The following ROBO2 variants were observed in gnomAD, a reference collection of about 807,000 sequenced individuals.
The protein encoded by ROBO2 is roundabout homolog 2.
In ROBO2, 53 loss-of-function variants were observed where a neutral mutation model predicts 160.8. The ratio of observed to expected loss-of-function variants is 0.33; its 90% CI spans 0.26 to 0.41. The LOEUF (loss-of-function observed/expected upper bound fraction) is 0.41. Among genes scored for constraint, ROBO2 ranks in the 10% least tolerant of loss-of-function variants. The pLI, the probability that ROBO2 is intolerant of heterozygous loss-of-function variation, is 1.00. For missense variants in ROBO2, 1,577 were observed against 1,722.4 expected (o/e 0.92, Z 1.49); for synonymous variants, 664 against 611.7 (o/e 1.09, Z -1.26).
intron 2 of ROBO2, among the ~76,000 whole-genome samples, chr3:76,916,401 G>A (rs142446145): frequency 6.6e-6 from 1 of 152,150 alleles, no homozygotes; most frequent in East Asian, 1.9e-4. Flanking sequence ...GGGTGTAGTG[G>A]TGCAATCTCA....
chr3:76,503,476 G>A (rs1030038486), intron 2 of ROBO2, among the ~76,000 whole-genome samples: 2 of 151,884 alleles, frequency 1.3e-5, no homozygotes, highest in Non-Finnish European at 2.9e-5. Context: ...AAAAAGTATC[G>A]GTATACTGAA....
At chr3:75,955,937 A>C (rs1948709618) in intron 2 of ROBO2, among the ~76,000 whole-genome samples, 1 of 151,806 alleles carries the variant, frequency 6.6e-6, no homozygotes, top group Admixed American at 6.6e-5. Flanking sequence ...TGTATTACAA[A>C]AAGTTAATGC....
intron 2 of ROBO2, among the ~76,000 whole-genome samples, chr3:76,507,361 C>G (rs372043232): frequency 6.6e-6 from 1 of 151,964 alleles, no homozygotes; most frequent in Non-Finnish European, 1.5e-5. Context: ...ATATAACCCT[C>G]ACTTCTTTAT....
intron 2 of ROBO2, among the ~76,000 whole-genome samples, chr3:76,244,049 G>A (rs1415955323): frequency 6.6e-6 from 1 of 152,104 alleles, no homozygotes; most frequent in African/African-American, 2.4e-5. Flanking sequence ...ACTGTGCCAG[G>A]CACTCTTGTA....
Position 77,573,916 on chromosome 3 carries a change from G to C in ROBO2, c.1972-583G>C, listed in dbSNP as rs1438129085. ...TTAGACCACTCCTACCTTCTACCTG[G>C]ACTCCATCTTCTCACCTCAGCTCAT... On this transcript the variant is annotated intron_variant, in intron 13 of 25. Coordinates refer to ENST00000461745, the Ensembl canonical transcript of ROBO2. Among the ~76,000 whole-genome samples, 3 of 151,734 alleles carry C rather than the reference G, an allele frequency of 2.0e-5. No homozygotes were observed. The East Asian group carries it at 5.9e-4, about 30-fold the overall frequency.
At chr3:76,637,099 G>A (rs2090384601) in intron 2 of ROBO2, among the ~76,000 whole-genome samples, 1 of 152,072 alleles carries the variant, frequency 6.6e-6, no homozygotes, top group Non-Finnish European at 1.5e-5. Flanking sequence ...GGTGTACATG[G>A]TTATTTTAAC....
chr3:77,004,418 G>A (rs1232825824), intron 2 of ROBO2, among the ~76,000 whole-genome samples: 2 of 152,162 alleles, frequency 1.3e-5, no homozygotes, highest in African/African-American at 4.8e-5. Context: ...GTTCAGGATT[G>A]GAAGTAGAAG....
At chr3:76,439,845 G>C (rs1185289882) in intron 2 of ROBO2, among the ~76,000 whole-genome samples, 3 of 152,140 alleles carry the variant, frequency 2.0e-5, no homozygotes, top group Non-Finnish European at 4.4e-5. Context: ...GACTTGAGGG[G>C]ATGTAGTCTT....
At chr3:76,942,853 A>G (rs2078281198) in intron 2 of ROBO2, among the ~76,000 whole-genome samples, 1 of 150,964 alleles carries the variant, frequency 6.6e-6, no homozygotes, top group Non-Finnish European at 1.5e-5. Context: ...TAATTTTCCA[A>G]CTCCTAACTG....
intron 2 of ROBO2, among the ~76,000 whole-genome samples, chr3:76,820,121 G>A (rs543526729): frequency 1.8e-4 from 28 of 152,048 alleles, no homozygotes; most frequent in Admixed American, 1.8e-3. Flanking sequence ...CCTGTTAATC[G>A]ATTTGTTTCA....
At chr3:76,293,882 G>T (rs768109054) in intron 2 of ROBO2, among the ~76,000 whole-genome samples, 4 of 152,164 alleles carry the variant, frequency 2.6e-5, no homozygotes, top group Non-Finnish European at 5.9e-5. Flanking sequence ...CCATTTAGAA[G>T]AAAAGGCCTC....
intron 2 of ROBO2, among the ~76,000 whole-genome samples, chr3:76,730,070 T>C (rs1356048075): frequency 6.6e-6 from 1 of 152,120 alleles, no homozygotes; most frequent in African/African-American, 2.4e-5. Context: ...CTTCACCATC[T>C]ATTAGTATTA....
intron 2 of ROBO2, among the ~76,000 whole-genome samples, chr3:76,263,349 C>T (rs914428705): frequency 2.0e-5 from 3 of 152,046 alleles, no homozygotes; most frequent in South Asian, 2.1e-4. Flanking sequence ...ACCTTTGCCT[C>T]GCAAATAGCT....
intron 2 of ROBO2, among the ~76,000 whole-genome samples, chr3:75,938,794 G>A (rs974497418): frequency 6.6e-6 from 1 of 152,098 alleles, no homozygotes; most frequent in African/African-American, 2.4e-5. Flanking sequence ...ATACATGTAA[G>A]CAGATAATAC....
At chr3:75,945,351 G>A (rs1948239972) in intron 2 of ROBO2, among the ~76,000 whole-genome samples, 1 of 152,116 alleles carries the variant, frequency 6.6e-6, no homozygotes, top group Non-Finnish European at 1.5e-5. Context: ...AAGGTAGTGA[G>A]AACTGCTGAG....
At chr3:76,795,194 C>T (rs2063609963) in intron 2 of ROBO2, among the ~76,000 whole-genome samples, 1 of 152,002 alleles carries the variant, frequency 6.6e-6, no homozygotes, top group South Asian at 2.1e-4. Flanking sequence ...AAGGTCTTTC[C>T]TTGATATTGA....
chr3:76,020,738 C>T (rs547233636), intron 2 of ROBO2, among the ~76,000 whole-genome samples: 1 of 151,886 alleles, frequency 6.6e-6, no homozygotes, highest in South Asian at 2.1e-4. Flanking sequence ...CCATGTTCTT[C>T]ACTCAATATT....
intron 2 of ROBO2, among the ~76,000 whole-genome samples, chr3:76,609,703 C>G (rs1322366431): frequency 6.6e-6 from 1 of 152,002 alleles, no homozygotes; most frequent in Non-Finnish European, 1.5e-5. Context: ...ATGTGGATGC[C>G]CTTTATTTCT....
At chr3:76,407,989 C>A (rs756186114) in intron 2 of ROBO2, among the ~76,000 whole-genome samples, 2 of 151,902 alleles carry the variant, frequency 1.3e-5, no homozygotes, top group Admixed American at 1.3e-4. Flanking sequence ...GTTAGTATAT[C>A]TTATGTGTGG....
Sources: gnomAD v4.1 joint callset for allele counts (sites outside exome capture counted in the v4.1 genomes callset) on GRCh38, gnomAD v4.1.1 for gene constraint, MANE v1.5 for transcripts, NCBI Gene and HGNC (gene_info 2026-07-23, HGNC 2026-07-21) for gene names.